The following POU4F3 variants were observed in gnomAD, a reference collection of about 807,000 sequenced individuals.
POU4F3 encodes POU domain, class 4, transcription factor 3.
A neutral mutation model predicts 22.0 loss-of-function variants in POU4F3; 7 were observed. That is an observed-to-expected ratio of 0.32 (90% CI 0.18 to 0.60). The LOEUF is 0.60. Among genes scored for constraint, POU4F3 ranks in the 20% least tolerant of loss-of-function variants. The probability of loss-of-function intolerance (pLI) is 0.85; values close to 1 mark genes in which losing one functional copy is unlikely to be tolerated. For synonymous variants in POU4F3, 220 were observed against 194.5 expected, an observed-to-expected ratio of 1.13 and a Z score of -1.09; for missense variants, 457 against 467.4, an observed-to-expected ratio of 0.98 and a Z score of 0.21.
In POU4F3 at chr5:146,339,207, G is replaced by C. The variant is rs747109030; in HGVS notation, c.95G>C (p.Arg32Pro). ...SSLHSGSEAMRRVCLPAPQLQ... is the reference protein window; with the variant it reads ...SSLHSGSEAMPRVCLPAPQLQ... ...CTGCACTCTGGCTCCGAGGCCATGC[G>C]CCGAGTCTGTCTCCCAGCCCCGCAG... is the stretch of plus-strand genomic sequence containing the variant. Residue 32 changes from arginine to proline, a missense_variant, in exon 1 of 2, where the codon CGC becomes CCC. Arg to Pro is a moderately radical substitution (Grantham distance 103, BLOSUM62 -2). Transcript: ENST00000646991. This position sits in a 1 kb window ranked among gnomAD's most constrained non-coding sequence, Gnocchi z 4.7. 5 of 1,614,100 alleles carry C rather than the reference G, an allele frequency of 3.1e-6. No homozygotes were observed.
Position 146,340,804 on chromosome 5 carries a change from T to C in POU4F3, c.*360T>C. On this transcript the variant is annotated 3_prime_UTR_variant, in exon 2 of 2. Transcript: ENST00000646991. The stretch of plus-strand genomic sequence containing the variant: ...CAACCGCCCGAAGCTAGGGTGAAAA[T>C]GCCACTTTGCTAAGCGCGATTAGGC... The C allele has an allele frequency of 2.6e-6, 1 of 377,852 alleles. No individual in the cohort carries two copies. The highest frequency in any genetic ancestry group is 5.0e-6 in the Non-Finnish European group (1 of 201,388). The allele number at this position is 377,852 out of a possible 1,614,324, so 23.4% of individuals were successfully genotyped here.
Position 146,339,997 on chromosome 5 carries a change from C to T in POU4F3, c.570C>T (p.Phe190=). The T allele has an allele frequency of 1.9e-6, 3 of 1,613,292 alleles. No individual in the cohort carries two copies. The highest frequency in any genetic ancestry group is 2.5e-6 in the Non-Finnish European group (3 of 1,180,004). ...CAGACCCGCGCGAGCTGGAAGCCTT[C>T]GCCGAGCGCTTCAAGCAGCGGCGCA... ...VESDPRELEA[F]AERFKQRRIK... Residue 190 remains phenylalanine (F), a synonymous_variant, in exon 2 of 2, where the codon TTC becomes TTT. Transcript: ENST00000646991. This position sits in a 1 kb window ranked among gnomAD's most constrained non-coding sequence, Gnocchi z 4.7.
Position 146,339,158 on chromosome 5 carries a change from C to G in POU4F3, c.46C>G (p.Leu16Val), listed in dbSNP as rs780796231. Residue 16 changes from leucine (L) to valine (V), a missense_variant, in exon 1 of 2, where the codon CTG (leucine) becomes GTG (valine). Leu to Val is a conservative substitution (Grantham distance 32). Coordinates refer to ENST00000646991, the MANE Select transcript of POU4F3 (RefSeq NM_002700.3). The surrounding 1 kb of genome is among the most constrained non-coding windows in gnomAD (Gnocchi z 4.7). ...GCAGCCTTTCGGCATGCACCCGGTGCTGCAAGAACCCAAATTCTCCAGTCT... is the reference window on the plus strand; with the variant it reads ...GCAGCCTTTCGGCATGCACCCGGTGGTGCAAGAACCCAAATTCTCCAGTCT... ...SKQPFGMHPV[L>V]QEPKFSSLHS... 4 of 1,614,258 alleles carry G rather than the reference C, an allele frequency of 2.5e-6. No individual in the cohort carries two copies. Among genetic ancestry groups the G allele is most frequent in the Non-Finnish European group, 3.4e-6 (4 of 1,180,044 alleles).
Position 146,340,616 on chromosome 5 carries a change from C to T in POU4F3, c.*172C>T. 1.1e-6 allele frequency: 1 copy of T among 898,584 alleles called. No homozygotes were observed. 55.7% of individuals were successfully genotyped at this position (898,584 alleles called of 1,614,324 possible). ...CCTGGTTGCCTCCGGCCTTCTCTCT[C>T]TTTCCTTTCTATTCCCACCAAAAAA... On this transcript the variant is annotated 3_prime_UTR_variant, in exon 2 of 2. Coordinates refer to ENST00000646991, the MANE Select transcript of POU4F3 (RefSeq NM_002700.3).
In POU4F3 at chr5:146,340,529, G is replaced by C; in HGVS notation, c.*85G>C. 4.5e-6 allele frequency: 7 copies of C among 1,561,166 alleles called. No individual in the cohort carries two copies. In the South Asian group the frequency reaches 7.9e-5, roughly 18 times the overall value. ...GGGGGATGGTTATCGGGAACTCCAA[G>C]GCGTTTCCTAGGCAGGTTAGGCTCT... On this transcript the variant is annotated 3_prime_UTR_variant, in exon 2 of 2. Transcript: ENST00000646991.
At position 146,339,381 on chromosome 5, in the gene POU4F3, C is replaced by A; in HGVS notation, c.120+149C>A. 6.7e-7 allele frequency: 1 copy of A among 1,490,828 alleles called. No individual in the cohort carries two copies. The highest frequency in any genetic ancestry group is 2.3e-5 in the East Asian group (1 of 43,950). The allele number at this position is 1,490,828 out of a possible 1,614,324, so 92.3% of individuals were successfully genotyped here. On this transcript the variant is annotated intron_variant, in intron 1 of 1. Transcript: ENST00000646991. The surrounding 1 kb of genome is among the most constrained non-coding windows in gnomAD (Gnocchi z 4.7). ...TTCTCTCCCGGCGCGCTCTCTCTCT[C>A]ATTCATGTCTCTGATCCACACGTCT...
In POU4F3 at chr5:146,339,862, T is replaced by C. The variant is rs1197268940; in HGVS notation, c.435T>C (p.His145=). The change falls in exon 2 of 2, where the codon CAT becomes CAC. Residue 145 remains histidine, a synonymous_variant. Transcript: ENST00000646991. The surrounding 1 kb of genome is among the most constrained non-coding windows in gnomAD (Gnocchi z 4.7). The stretch of plus-strand genomic sequence containing the variant: ...ACTCGGTGATGCCCGCACAGATCCA[T>C]CCACACCACCTGGGCGCCATGGGCC... The part of the protein sequence containing the change: ...PEHSVMPAQI[H]PHHLGAMGHL... 2.5e-6 allele frequency: 4 copies of C among 1,608,372 alleles called. No individual in the cohort carries two copies. Among genetic ancestry groups the C allele is most frequent in the Non-Finnish European group, 2.5e-6 (3 of 1,179,910 alleles).
Position 146,338,944 on chromosome 5 carries a change from G to A in POU4F3, c.-169G>A, listed in dbSNP as rs1760405787. 3 of 1,159,650 alleles carry A rather than the reference G, an allele frequency of 2.6e-6. No homozygotes were observed. Among genetic ancestry groups the A allele is most frequent in the African/African-American group, 1.5e-5 (1 of 65,358 alleles). The allele number at this position is 1,159,650 out of a possible 1,614,324, so 71.8% of individuals were successfully genotyped here. A position where few individuals can be genotyped will look rare whatever the true frequency, so the allele number is the denominator to read the frequency against. The stretch of plus-strand genomic sequence containing the variant: ...GCCTGCGCGCGCCCGGGCCCTTCCT[G>A]GCAGGCTGCTTGTAAGATGAGTGAA... On this transcript the variant is annotated 5_prime_UTR_variant, in exon 1 of 2. Coordinates refer to ENST00000646991, the MANE Select transcript of POU4F3 (RefSeq NM_002700.3).
At position 146,340,408 on chromosome 5, in the gene POU4F3, G is replaced by A; in HGVS notation, c.981G>A (p.Gln327=). 1.2e-6 allele frequency: 2 copies of A among 1,614,260 alleles called. No homozygotes were observed. Among genetic ancestry groups the A allele is most frequent in the South Asian group, 1.1e-5 (1 of 91,080 alleles). Residue 327 remains glutamine, a synonymous_variant, in exon 2 of 2, where the codon CAG becomes CAA. Transcript: ENST00000646991. ...GAGTCTGGTTCTGCAACCAGAGACA[G>A]AAACAGAAACGAATGAAGTATTCGG... The part of the protein sequence containing the change: ...VVRVWFCNQR[Q]KQKRMKYSAV...
At position 146,338,988 on chromosome 5, in the gene POU4F3, G is replaced by C; in HGVS notation, c.-125G>C. 1 of 1,404,698 alleles carries C rather than the reference G, an allele frequency of 7.1e-7. No homozygotes were observed. The highest frequency in any genetic ancestry group is 9.8e-7 in the Non-Finnish European group (1 of 1,018,218). 87.0% of individuals were successfully genotyped at this position (1,404,698 alleles called of 1,614,324 possible). On this transcript the variant is annotated 5_prime_UTR_variant, in exon 1 of 2. Coordinates refer to ENST00000646991, the MANE Select transcript of POU4F3 (RefSeq NM_002700.3). ...GAGTGAAGAAGCAGGTGGGGGAGAGGGGAGGCAGCGAGCGAGAGGGCGAGG... is the reference window on the plus strand; with the variant it reads ...GAGTGAAGAAGCAGGTGGGGGAGAGCGGAGGCAGCGAGCGAGAGGGCGAGG...
Position 146,340,282 on chromosome 5 carries a change from G to A in POU4F3, c.855G>A (p.Glu285=). 6.2e-7 allele frequency: 1 copy of A among 1,614,218 alleles called. No individual in the cohort carries two copies. The highest frequency in any genetic ancestry group is 8.5e-7 in the Non-Finnish European group (1 of 1,180,052). ...AACGCACGTCCATCGCGGCGCCGGA[G>A]AAGCGTTCACTCGAGGCCTATTTCG... ...KRKRTSIAAP[E]KRSLEAYFAI... Residue 285 remains glutamate (E), a synonymous_variant, in exon 2 of 2, where the codon GAG becomes GAA. Transcript: ENST00000646991.
In POU4F3 at chr5:146,340,562, GA is replaced by G. The variant is rs1760442451; in HGVS notation, c.*120del. ...CTAGGCAGGTTAGGCTCTCTCCTCC[GA>G]AGCCACAGACTTTCCCCCTTTGTCC... is the stretch of plus-strand genomic sequence containing the variant. On this transcript the variant is annotated 3_prime_UTR_variant, in exon 2 of 2. Coordinates refer to ENST00000646991, the MANE Select transcript of POU4F3 (RefSeq NM_002700.3). The G allele has an allele frequency of 6.8e-6, 9 of 1,325,682 alleles. No homozygotes were observed. The highest frequency in any genetic ancestry group is 1.5e-5 in the African/African-American group (1 of 68,788). 82.1% of individuals were successfully genotyped at this position (1,325,682 alleles called of 1,614,324 possible).
In POU4F3 at chr5:146,339,144, G is replaced by T. The variant is rs1760410515; in HGVS notation, c.32G>T (p.Gly11Val). Reference protein sequence around the residue: MMAMNSKQPFGMHPVLQEPKF... With the variant: MMAMNSKQPFVMHPVLQEPKF... ...GCCATGAACTCCAAGCAGCCTTTCG[G>T]CATGCACCCGGTGCTGCAAGAACCC... Residue 11 changes from glycine to valine, a missense_variant, in exon 1 of 2, where the codon GGC becomes GTC. Transcript: ENST00000646991. This position sits in a 1 kb window ranked among gnomAD's most constrained non-coding sequence, Gnocchi z 4.7. 1 of 1,614,218 alleles carries T rather than the reference G, an allele frequency of 6.2e-7. No individual in the cohort carries two copies. The highest frequency in any genetic ancestry group is 1.3e-5 in the African/African-American group (1 of 75,056).
Position 146,340,527 on chromosome 5 carries a change from A to C in POU4F3, c.*83A>C. 2 of 1,563,598 alleles carry C rather than the reference A, an allele frequency of 1.3e-6. No homozygotes were observed. The highest frequency in any genetic ancestry group is 1.7e-5 in the Admixed American group (1 of 57,412). ...TCGGGGGATGGTTATCGGGAACTCCAAGGCGTTTCCTAGGCAGGTTAGGCT... is the reference window on the plus strand; with the variant it reads ...TCGGGGGATGGTTATCGGGAACTCCCAGGCGTTTCCTAGGCAGGTTAGGCT... On this transcript the variant is annotated 3_prime_UTR_variant, in exon 2 of 2. Coordinates refer to ENST00000646991, the MANE Select transcript of POU4F3 (RefSeq NM_002700.3).
Position 146,339,323 on chromosome 5 carries a change from G to A in POU4F3, c.120+91G>A. On this transcript the variant is annotated intron_variant, in intron 1 of 1. Coordinates refer to ENST00000646991, the MANE Select transcript of POU4F3 (RefSeq NM_002700.3). The surrounding 1 kb of genome is among the most constrained non-coding windows in gnomAD (Gnocchi z 4.7). ...TTTCATGTCGCCCAGAACAATCGCC[G>A]CTGTCTGAACCCCTCTCCTTGTCTC... 1.3e-6 allele frequency: 2 copies of A among 1,588,516 alleles called. No individual in the cohort carries two copies. The highest frequency in any genetic ancestry group is 1.7e-5 in the Admixed American group (1 of 59,968).
At position 146,338,954 on chromosome 5, in the gene POU4F3, T is replaced by C; in HGVS notation, c.-159T>C. ...GCCCGGGCCCTTCCTGGCAGGCTGC[T>C]TGTAAGATGAGTGAAGAAGCAGGTG... On this transcript the variant is annotated 5_prime_UTR_variant, in exon 1 of 2. Transcript: ENST00000646991. 8.2e-7 allele frequency: 1 copy of C among 1,225,020 alleles called. No homozygotes were observed. The highest frequency in any genetic ancestry group is 1.2e-6 in the Non-Finnish European group (1 of 863,696). The allele number at this position is 1,225,020 out of a possible 1,614,324, so 75.9% of individuals were successfully genotyped here.
In POU4F3 at chr5:146,339,622, C is replaced by A; in HGVS notation, c.195C>A (p.Ile65=). Residue 65 remains isoleucine, a synonymous_variant, in exon 2 of 2, where the codon ATC becomes ATA. Transcript: ENST00000646991. The surrounding 1 kb of genome is among the most constrained non-coding windows in gnomAD (Gnocchi z 4.7). The part of the protein sequence containing the change: ...ARAEALAAVD[I]VSHGKNHPFK... Reference sequence around the variant, plus strand: ...CCGAAGCTCTGGCGGCGGTGGATATCGTCTCCCACGGCAAGAACCATCCGT... The same window carrying A: ...CCGAAGCTCTGGCGGCGGTGGATATAGTCTCCCACGGCAAGAACCATCCGT... 1.9e-6 allele frequency: 3 copies of A among 1,614,184 alleles called. No individual in the cohort carries two copies. The highest frequency in any genetic ancestry group is 2.2e-5 in the East Asian group (1 of 44,872).
Position 146,339,346 on chromosome 5 carries a change from C to T in POU4F3, c.120+114C>T. The T allele has an allele frequency of 1.3e-6, 2 of 1,557,446 alleles. No homozygotes were observed. The highest frequency in any genetic ancestry group is 1.8e-6 in the Non-Finnish European group (2 of 1,135,056). On this transcript the variant is annotated intron_variant, in intron 1 of 1. Coordinates refer to ENST00000646991, the MANE Select transcript of POU4F3 (RefSeq NM_002700.3). The surrounding 1 kb of genome is among the most constrained non-coding windows in gnomAD (Gnocchi z 4.7). The stretch of plus-strand genomic sequence containing the variant: ...CCGCTGTCTGAACCCCTCTCCTTGT[C>T]TCCCCCGCGTTCTCTCCCGGCGCGC...
In POU4F3 at chr5:146,339,348, C is replaced by T; in HGVS notation, c.120+116C>T. On this transcript the variant is annotated intron_variant, in intron 1 of 1. Coordinates refer to ENST00000646991, the MANE Select transcript of POU4F3 (RefSeq NM_002700.3). The surrounding 1 kb of genome is among the most constrained non-coding windows in gnomAD (Gnocchi z 4.7). Reference sequence around the variant, plus strand: ...GCTGTCTGAACCCCTCTCCTTGTCTCCCCCGCGTTCTCTCCCGGCGCGCTC... The same window carrying T: ...GCTGTCTGAACCCCTCTCCTTGTCTTCCCCGCGTTCTCTCCCGGCGCGCTC... 2 of 1,551,946 alleles carry T rather than the reference C, an allele frequency of 1.3e-6. No homozygotes were observed. The highest frequency in any genetic ancestry group is 1.8e-6 in the Non-Finnish European group (2 of 1,130,518).
Sources: allele counts gnomAD v4.1 joint callset, GRCh38; gene constraint gnomAD v4.1.1; non-coding constraint Gnocchi (gnomAD v3.1); transcripts MANE v1.5; gene names NCBI Gene and HGNC (gene_info 2026-07-23, HGNC 2026-07-21).